Variants in DOK6 observed in about 807,000 individuals in gnomAD.
The protein encoded by DOK6 is downstream of tyrosine kinase 6.
A neutral mutation model predicts 44.0 loss-of-function variants in DOK6; 22 were observed. That is an observed-to-expected ratio of 0.50 (90% CI 0.36 to 0.71). The LOEUF (loss-of-function observed/expected upper bound fraction) is 0.71. Among genes scored for constraint, DOK6 ranks in the 30% least tolerant of loss-of-function variants. The pLI is 0.00. For missense variants in DOK6, 340 were observed against 416.4 expected, an observed-to-expected ratio of 0.82 and a Z score of 1.60; for synonymous variants, 166 against 145.5, an observed-to-expected ratio of 1.14 and a Z score of -1.01.
chr18:69,420,387 A>T (rs1978456603), intron 1 of DOK6, among the ~76,000 whole-genome samples: 1 of 152,204 alleles, frequency 6.6e-6, no homozygotes, highest in South Asian at 2.1e-4. Context: ...GAATCATCCC[A>T]ACAATATGAA....
chr18:69,444,490 T>A (rs1599133915), intron 1 of DOK6, among the ~76,000 whole-genome samples: 1 of 152,322 alleles, frequency 6.6e-6, no homozygotes, highest in East Asian at 1.9e-4. Context: ...TTGTAAATGT[T>A]CCTCTGAGGT....
At chr18:69,628,926 A>G (rs961307821) in intron 3 of DOK6, among the ~76,000 whole-genome samples, 1 of 152,228 alleles carries the variant, frequency 6.6e-6, no homozygotes, top group Non-Finnish European at 1.5e-5. Context: ...TGATGGAACA[A>G]TATGCAAGCC....
At chr18:69,406,924 T>C in intron 1 of DOK6, among the ~76,000 whole-genome samples, 1 of 152,020 alleles carries the variant, frequency 6.6e-6, no homozygotes, top group South Asian at 2.1e-4. Context: ...CTACTAAAAA[T>C]ACAAAAATTA....
intron 3 of DOK6, among the ~76,000 whole-genome samples, chr18:69,647,728 G>C (rs534833549): frequency 5.3e-5 from 8 of 152,270 alleles, no homozygotes; most frequent in African/African-American, 1.7e-4. Flanking sequence ...TAGAGAATCT[G>C]CTGGTGATCT....
At chr18:69,634,689 A>G (rs1404404220) in intron 3 of DOK6, among the ~76,000 whole-genome samples, 2 of 152,232 alleles carry the variant, frequency 1.3e-5, no homozygotes, top group Non-Finnish European at 2.9e-5. Context: ...AACAAGAGAA[A>G]TAAAGCCCAG....
intron 7 of DOK6, among the ~76,000 whole-genome samples, chr18:69,778,636 T>C (rs183030208): frequency 1.3e-5 from 2 of 152,216 alleles, no homozygotes; most frequent in East Asian, 3.9e-4. Context: ...ATTCTGAGCA[T>C]GAAAGGAGGG....
Position 69,401,187 on chromosome 18 carries a change from G to C in DOK6, c.-58G>C, listed in dbSNP as rs1050276652. ...GACCCGCGCAGACCCGGCGGCGGACGGCGGCTCTCGACTCCGGAGAGCGGA... is the reference window on the plus strand; with the variant it reads ...GACCCGCGCAGACCCGGCGGCGGACCGCGGCTCTCGACTCCGGAGAGCGGA... On this transcript the variant is annotated 5_prime_UTR_variant, in exon 1 of 8. Transcript: ENST00000382713. 9 of 1,490,250 alleles carry C rather than the reference G, an allele frequency of 6.0e-6. No homozygotes were observed. The highest frequency in any genetic ancestry group is 8.1e-6 in the Non-Finnish European group (9 of 1,117,946). The allele number at this position is 1,490,250 out of a possible 1,614,324, so 92.3% of individuals were successfully genotyped here.
intron 3 of DOK6, among the ~76,000 whole-genome samples, chr18:69,657,481 T>A (rs1055012963): frequency 1.3e-5 from 2 of 152,186 alleles, no homozygotes; most frequent in African/African-American, 4.8e-5. Flanking sequence ...AAATAAGCAT[T>A]TTGTTATAGG....
intron 3 of DOK6, among the ~76,000 whole-genome samples, chr18:69,672,095 A>G (rs1303974702): frequency 6.6e-6 from 1 of 152,208 alleles, no homozygotes; most frequent in Non-Finnish European, 1.5e-5. Context: ...GAGCTAAACT[A>G]AGAAGGCCAT....
chr18:69,687,344 G>A (rs924710016), intron 4 of DOK6, among the ~76,000 whole-genome samples: 5 of 152,116 alleles, frequency 3.3e-5, no homozygotes, highest in Admixed American at 2.6e-4. Context: ...AAAAGCATTT[G>A]ATAAAATTCA....
intron 7 of DOK6, among the ~76,000 whole-genome samples, chr18:69,814,210 T>C (rs1201026809): frequency 6.6e-6 from 1 of 152,032 alleles, no homozygotes; most frequent in Non-Finnish European, 1.5e-5. Context: ...CAGAGGCCAG[T>C]AGTCAGCAGC....
At chr18:69,485,923 G>A (rs1160163555) in intron 1 of DOK6, among the ~76,000 whole-genome samples, 1 of 145,064 alleles carries the variant, frequency 6.9e-6, no homozygotes, top group Non-Finnish European at 1.5e-5. Context: ...ATATCTCCCA[G>A]TATCCCCTAA....
intron 1 of DOK6, among the ~76,000 whole-genome samples, chr18:69,479,372 C>T (rs1402493107): frequency 6.6e-6 from 1 of 151,980 alleles, no homozygotes; most frequent in African/African-American, 2.4e-5. Context: ...ATGGTATGGG[C>T]TAGAGTAAGG....
At chr18:69,586,121 A>G (rs1428514812) in intron 2 of DOK6, among the ~76,000 whole-genome samples, 1 of 152,232 alleles carries the variant, frequency 6.6e-6, no homozygotes, top group Non-Finnish European at 1.5e-5. Flanking sequence ...TTATTAAACG[A>G]GTAAACAATC....
At chr18:69,699,951 CAGA>C (rs1986475854) in intron 5 of DOK6, among the ~76,000 whole-genome samples, 1 of 152,090 alleles carries the variant, frequency 6.6e-6, no homozygotes, top group East Asian at 1.9e-4. Context: ...ACAGTCATGG[CAGA>C]AGGAGAAAGA....
rs181309359 is a variant in DOK6 at position 69,610,720 on chromosome 18, A to G, written c.289+11222A>G. Among the ~76,000 whole-genome samples, 497 of 152,350 alleles carry G rather than the reference A, an allele frequency of 3.3e-3. 7 individuals are homozygous for G. Among genetic ancestry groups the G allele is most frequent in the Admixed American group, 0.028 (433 of 15,304 alleles). ...ACACCAATAAAAAACAATACAAATT[A>G]GGAAATACAGTATAACAATGATTAA... On this transcript the variant is annotated intron_variant, in intron 3 of 7. Coordinates refer to ENST00000382713, the MANE Select transcript of DOK6 (RefSeq NM_152721.6).
rs555033820 is a variant in DOK6 at position 69,846,137 on chromosome 18, A to T, written c.*4754A>T. The T allele has an allele frequency of 6.6e-6, 1 of 152,310 alleles. No individual in the cohort carries two copies. Among genetic ancestry groups the T allele is most frequent in the South Asian group, 2.1e-4 (1 of 4,822 alleles). The allele number at this position is 152,310 out of a possible 1,614,324, so 9.4% of individuals were successfully genotyped here. On this transcript the variant is annotated 3_prime_UTR_variant, in exon 8 of 8. Transcript: ENST00000382713. ...ATTCGTGCAATTATGCCAGCAGAGG[A>T]GGCACTAGACAGTTTATAGACTCTT...
At chr18:69,451,180 G>C (rs2122458252) in intron 1 of DOK6, among the ~76,000 whole-genome samples, 1 of 148,342 alleles carries the variant, frequency 6.7e-6, no homozygotes, top group Admixed American at 6.8e-5. Flanking sequence ...CACGTGCAGA[G>C]ACACACATAG....
At chr18:69,734,393 C>CA (rs60831756) in intron 5 of DOK6, among the ~76,000 whole-genome samples, 9,167 of 48,320 alleles carry the variant, frequency 0.19, 967 homozygotes, top group South Asian at 0.23. Context: ...TTCATAGCAG[C>CA]AAAAAAAAAA....
Sources: gnomAD v4.1 joint callset for allele counts (sites outside exome capture counted in the v4.1 genomes callset) on GRCh38, gnomAD v4.1.1 for gene constraint, MANE v1.5 for transcripts, NCBI Gene and HGNC (gene_info 2026-07-23, HGNC 2026-07-21) for gene names.